PKHD1L1: variants seen among roughly 807,000 people sequenced by gnomAD.
The protein encoded by PKHD1L1 is PKHD1 like 1.
A neutral mutation model predicts 462.9 loss-of-function variants in PKHD1L1; 434 were observed. That is an observed-to-expected ratio of 0.94 (90% confidence interval 0.87 to 1.02). The LOEUF (loss-of-function observed/expected upper bound fraction) is 1.02. PKHD1L1 is among the 50% of genes least tolerant of loss of function. The probability of loss-of-function intolerance (pLI) is 0.00; values close to 1 mark genes in which losing one functional copy is unlikely to be tolerated. For synonymous variants in PKHD1L1, 1,781 were observed against 1,750.0 expected, an observed-to-expected ratio of 1.02 and a Z score of -0.44; for missense variants, 5,202 against 5,096.1, an observed-to-expected ratio of 1.02 and a Z score of -0.63.
intron 23 of PKHD1L1, 134 bp from the exon 24 acceptor site, chr8:109,424,951 C>T: frequency 5.5e-6 from 4 of 733,176 alleles, no homozygotes; most frequent in Non-Finnish European, 8.4e-6. Flanking sequence ...TGTGACACTC[C>T]TTAATGTTCT....
Position 109,438,546 on chromosome 8 carries a change from T to C in PKHD1L1, c.3760+90T>C, listed in dbSNP as rs10088783. 1.9e-3 allele frequency: 2,352 copies of C among 1,268,814 alleles called. 3 individuals carry two copies. The highest frequency in any genetic ancestry group is 2.2e-3 in the Non-Finnish European group (2,089 of 935,614). The allele number at this position is 1,268,814 out of a possible 1,614,324, so 78.6% of individuals were successfully genotyped here. On this transcript the variant is annotated intron_variant, in intron 31 of 77. Transcript: ENST00000378402. ...TTTGAAGCATAGTTTCTTCTGTAGT[T>C]TTGTTTCTTAAAGTGAAACCAGTTA... is the stretch of plus-strand genomic sequence containing the variant.
intron 59 of PKHD1L1, among the ~76,000 whole-genome samples, chr8:109,489,329 G>A (rs140436654): frequency 6.6e-6 from 1 of 151,854 alleles, no homozygotes; most frequent in African/African-American, 2.4e-5. Context: ...TGCTTTATGG[G>A]AATTAAACCC....
intron 6 of PKHD1L1, among the ~76,000 whole-genome samples, chr8:109,388,063 T>C (rs1311556260): frequency 6.6e-6 from 1 of 152,202 alleles, no homozygotes; most frequent in Non-Finnish European, 1.5e-5. Context: ...GATAACTTTG[T>C]GCTGTCTGTG....
At chr8:109,366,482 C>A (rs575512694) in intron 2 of PKHD1L1, among the ~76,000 whole-genome samples, 3 of 152,234 alleles carry the variant, frequency 2.0e-5, no homozygotes, top group Non-Finnish European at 4.4e-5. Flanking sequence ...TCAAAGGGTG[C>A]AAAATTTCAG....
At chr8:109,413,856 T>C (rs2130610959) in intron 21 of PKHD1L1, among the ~76,000 whole-genome samples, 1 of 152,230 alleles carries the variant, frequency 6.6e-6, no homozygotes, top group East Asian at 1.9e-4. Flanking sequence ...AATCTAATAA[T>C]GTTCCTAGTT....
At chr8:109,376,644 C>T (rs1490750865) in intron 2 of PKHD1L1, among the ~76,000 whole-genome samples, 3 of 152,126 alleles carry the variant, frequency 2.0e-5, no homozygotes, top group African/African-American at 4.8e-5. Context: ...CTTGACTCCA[C>T]CCCCCAAATC....
At chr8:109,364,667 C>G in intron 2 of PKHD1L1, 31 bp downstream of exon 2, 1 of 934,478 alleles carries the variant, frequency 1.1e-6, no homozygotes, top group Non-Finnish European at 1.5e-6. Context: ...TTTTTTTTGC[C>G]AAGGTTGAGG....
chr8:109,523,204 A>G (rs1297755697), intron 75 of PKHD1L1, 29 bp from the exon 76 acceptor site: 14 of 1,529,356 alleles, frequency 9.2e-6, no homozygotes, highest in Non-Finnish European at 1.2e-5. Flanking sequence ...GACAATTGTT[A>G]TAATTATCTA....
At chr8:109,500,673 C>CAAAAA (rs34827783) in intron 67 of PKHD1L1, among the ~76,000 whole-genome samples, 5 of 47,196 alleles carry the variant, frequency 1.1e-4, no homozygotes, top group African/African-American at 4.0e-4. Context: ...AACTCTGTCT[C>CAAAAA]AAAAAAAAAA....
rs554887782 is a variant in PKHD1L1, at chr8:109,517,994, C to T, written c.11690-173C>T. On this transcript the variant is annotated intron_variant, in intron 72 of 77. Transcript: ENST00000378402. ...TTTTTTAAAGGAGTGGCTTTAATTT[C>T]GCAGGTCAGTTCTATAAGTGTTTTT... Among the ~76,000 whole-genome samples, 6 of 152,094 alleles carry T rather than the reference C, an allele frequency of 3.9e-5. No individual in the cohort carries two copies. The South Asian group carries it at 1.0e-3, about 26-fold the overall frequency.
chr8:109,473,271 G>C (rs995868354), intron 50 of PKHD1L1, among the ~76,000 whole-genome samples: 1 of 152,124 alleles, frequency 6.6e-6, no homozygotes, highest in East Asian at 1.9e-4. Context: ...TAGCCCTTTG[G>C]GGGGCAAAGG....
chr8:109,530,191 TAAAA>T lies in PKHD1L1; in HGVS notation c.*103_*106del. The stretch of plus-strand genomic sequence containing the variant: ...CTATAGCATTTTCATGAAAATATAC[TAAAA>T]ATATTTTTATGATATATAAAATGTA... On this transcript the variant is annotated 3_prime_UTR_variant, in exon 78 of 78. Transcript: ENST00000378402. 1 of 624,524 alleles carries T rather than the reference TAAAA, an allele frequency of 1.6e-6. No individual in the cohort carries two copies. Among genetic ancestry groups the T allele is most frequent in the Non-Finnish European group, 2.4e-6 (1 of 420,838 alleles). 38.7% of individuals were successfully genotyped at this position (624,524 alleles called of 1,614,324 possible). A position where few individuals can be genotyped will look rare whatever the true frequency, so the allele number is the denominator to read the frequency against.
chr8:109,407,860 G>A (rs1586448327), intron 17 of PKHD1L1, among the ~76,000 whole-genome samples, 189 bp from the exon 18 acceptor site: 1 of 152,092 alleles, frequency 6.6e-6, no homozygotes, highest in African/African-American at 2.4e-5. Flanking sequence ...TTTATGCTAT[G>A]GATAAATCTG....
chr8:109,500,721 A>T (rs1819368128), intron 67 of PKHD1L1, among the ~76,000 whole-genome samples: 1 of 144,968 alleles, frequency 6.9e-6, no homozygotes, highest in Non-Finnish European at 1.5e-5. Context: ...CTGTGCCCTT[A>T]TGAAGCCATG....
intron 76 of PKHD1L1, among the ~76,000 whole-genome samples, chr8:109,525,266 A>G (rs1820761096): frequency 6.6e-6 from 1 of 152,286 alleles, no homozygotes; most frequent in South Asian, 2.1e-4. Context: ...GAAAATAGTG[A>G]TGTGAGAAAT....
chr8:109,410,792 G>A (rs1456585766), intron 19 of PKHD1L1, among the ~76,000 whole-genome samples: 1 of 132,248 alleles, frequency 7.6e-6, no homozygotes, highest in Non-Finnish European at 1.5e-5. Context: ...GCAGTGGCAC[G>A]ATCTTGGCTC....
chr8:109,412,464 A>G, intron 20 of PKHD1L1, 50 bp downstream of exon 20: 1 of 1,497,628 alleles, frequency 6.7e-7, no homozygotes, highest in Non-Finnish European at 8.9e-7. Flanking sequence ...ATACCTTGGT[A>G]ATAAAATTTC....
At chr8:109,404,029 A>T (rs1813403752) in intron 14 of PKHD1L1, among the ~76,000 whole-genome samples, 1 of 152,304 alleles carries the variant, frequency 6.6e-6, no homozygotes, top group Non-Finnish European at 1.5e-5. Flanking sequence ...TTGGAGGATC[A>T]TAGTAAATCT....
In PKHD1L1 at chr8:109,442,047, T is replaced by C; in HGVS notation, c.4245T>C (p.Asn1415=). The change falls in exon 35 of 78, where the codon AAT becomes AAC. Residue 1415 remains asparagine (N), a synonymous_variant. Transcript: ENST00000378402. ...ATGCCTGGTCACCACCAGTCCTAAA[T>C]GTGTCTGTGGGGGACACAGTGGCAT... The part of the protein sequence containing the change: ...LGYAWSPPVL[N]VSVGDTVAWH... 1 of 1,613,192 alleles carries C rather than the reference T, an allele frequency of 6.2e-7. No individual in the cohort carries two copies. The highest frequency in any genetic ancestry group is 8.5e-7 in the Non-Finnish European group (1 of 1,179,424).
Sources: allele counts gnomAD v4.1 joint callset (sites outside exome capture counted in the v4.1 genomes callset), GRCh38; gene constraint gnomAD v4.1.1; transcripts MANE v1.5; gene names NCBI Gene and HGNC (gene_info 2026-07-23, HGNC 2026-07-21).